The following THNSL1 variants were observed in gnomAD, a reference collection of about 807,000 sequenced individuals.
The protein encoded by THNSL1 is threonine synthase-like 1.
Under a neutral mutation model 50.4 loss-of-function variants are expected in THNSL1, and 48 were observed. The observed-to-expected ratio is 0.95, with a 90% CI of 0.76 to 1.21. The LOEUF (loss-of-function observed/expected upper bound fraction) is 1.21, where lower values mean the gene tolerates loss of function less well. Ranked by LOEUF, THNSL1 falls within the 50% of genes most tolerant of loss-of-function variation. The probability of loss-of-function intolerance (pLI) is 0.00; values close to 1 mark genes in which losing one functional copy is unlikely to be tolerated. For synonymous variants in THNSL1, 309 were observed against 306.1 expected (o/e 1.01, Z -0.10); for missense variants, 896 against 871.7 (o/e 1.03, Z -0.35).
chr10:24,993,590 TA>T, the THNSL1 span, among the ~76,000 whole-genome samples: 5 of 152,258 alleles, frequency 3.3e-5, no homozygotes, highest in Non-Finnish European at 7.3e-5. Context: ...ACATTGACTT[TA>T]AAAGAATTTA....
At chr10:24,984,200 T>C in the THNSL1 span, 2 of 663,260 alleles carry the variant, frequency 3.0e-6, no homozygotes, top group Non-Finnish European at 4.8e-6. Flanking sequence ...ATACTGAAAA[T>C]ATTTCTCACT....
intron 1 of THNSL1, among the ~76,000 whole-genome samples, chr10:25,017,823 G>C (rs1850637948): frequency 6.6e-6 from 1 of 151,980 alleles, no homozygotes; most frequent in Admixed American, 6.6e-5. Flanking sequence ...TGGGATTTCT[G>C]TTTAGCAAGT....
the THNSL1 span, among the ~76,000 whole-genome samples, chr10:24,954,637 T>C: frequency 6.6e-6 from 1 of 152,182 alleles, no homozygotes; most frequent in Admixed American, 6.5e-5. Context: ...AGGAATCTTA[T>C]GAATGTGTGC....
chr10:24,986,771 T>G, the THNSL1 span, among the ~76,000 whole-genome samples: 37 of 152,344 alleles, frequency 2.4e-4, no homozygotes, highest in Admixed American at 1.6e-3. Context: ...GTAGCTAATA[T>G]TTCATATTAT....
chr10:24,996,518 G>A, the THNSL1 span, among the ~76,000 whole-genome samples: 18 of 151,976 alleles, frequency 1.2e-4, no homozygotes, highest in East Asian at 7.7e-4. Context: ...CTTATTGGCC[G>A]TTTTTACACA....
At chr10:25,016,003 C>T, upstream of THNSL1, 1 of 1,556,136 alleles carries the variant, frequency 6.4e-7, no homozygotes, top group Non-Finnish European at 8.7e-7. Context: ...GTATCTCCGT[C>T]CCTTTCTTCA....
chr10:24,973,432 A>G, the THNSL1 span, among the ~76,000 whole-genome samples: 1 of 152,098 alleles, frequency 6.6e-6, no homozygotes, highest in Non-Finnish European at 1.5e-5. Flanking sequence ...ATTTCATCAC[A>G]GTACTCAAAA....
the THNSL1 span, among the ~76,000 whole-genome samples, chr10:24,970,765 C>T: frequency 2.7e-5 from 4 of 149,502 alleles, no homozygotes; most frequent in South Asian, 4.3e-4. Flanking sequence ...GGCTCACGCC[C>T]GTAATCCCAG....
chr10:24,966,527 C>T, the THNSL1 span, among the ~76,000 whole-genome samples: 2 of 152,188 alleles, frequency 1.3e-5, no homozygotes, highest in African/African-American at 4.8e-5. Context: ...TGCCCCAACA[C>T]CGTTTTCATT....
intron 1 of THNSL1, among the ~76,000 whole-genome samples, chr10:25,017,771 A>T (rs931248714): frequency 6.6e-6 from 1 of 152,170 alleles, no homozygotes; most frequent in Non-Finnish European, 1.5e-5. Flanking sequence ...CCAAATCTAT[A>T]TCACTTTGCC....
the THNSL1 span, among the ~76,000 whole-genome samples, chr10:24,965,025 C>T: frequency 6.6e-6 from 1 of 150,946 alleles, no homozygotes; most frequent in Admixed American, 6.6e-5. Flanking sequence ...TGTGTCACTG[C>T]ACTCCAGCCT....
At chr10:24,999,641 TAA>T in the THNSL1 span, 1 of 1,133,278 alleles carries the variant, frequency 8.8e-7, no homozygotes, top group Admixed American at 2.5e-5. Context: ...TTAATTTATT[TAA>T]GTCTATATTC....
the THNSL1 span, among the ~76,000 whole-genome samples, chr10:24,986,062 C>T: frequency 3.9e-5 from 6 of 152,066 alleles, no homozygotes; most frequent in Non-Finnish European, 5.9e-5. Flanking sequence ...GAGCAGAGAC[C>T]CTGCCTGAAA....
the THNSL1 span, among the ~76,000 whole-genome samples, chr10:24,977,225 G>A: frequency 1.9e-3 from 282 of 152,266 alleles, 6 homozygotes; most frequent in Admixed American, 0.011. Context: ...TCAAATAGGT[G>A]TAATTCTTCT....
the THNSL1 span, among the ~76,000 whole-genome samples, chr10:25,008,702 T>A: frequency 2.0e-5 from 3 of 152,210 alleles, no homozygotes; most frequent in African/African-American, 7.2e-5. Flanking sequence ...GTGTGGCGAT[T>A]CCTCAGGGAT....
the THNSL1 span, among the ~76,000 whole-genome samples, chr10:24,980,103 T>C: frequency 1.3e-5 from 2 of 152,212 alleles, no homozygotes; most frequent in Non-Finnish European, 2.9e-5. Flanking sequence ...CATCTGATCT[T>C]CCACTTCAGT....
the THNSL1 span, among the ~76,000 whole-genome samples, chr10:24,968,612 G>A: frequency 6.6e-6 from 1 of 152,110 alleles, no homozygotes; most frequent in Non-Finnish European, 1.5e-5. Context: ...TCCTTTGTAT[G>A]CCTCTGACTC....
chr10:25,020,155 C>T (rs1253299664), intron 1 of THNSL1, among the ~76,000 whole-genome samples: 2 of 151,756 alleles, frequency 1.3e-5, no homozygotes, highest in African/African-American at 2.4e-5. Flanking sequence ...ACTTAACTGC[C>T]TTCTGCTAGT....
At chr10:24,985,715 G>C in the THNSL1 span, among the ~76,000 whole-genome samples, 39 of 152,284 alleles carry the variant, frequency 2.6e-4, 1 homozygote, top group East Asian at 3.9e-3. Context: ...TCTTAAACTA[G>C]TAATTAAATT....
Sources: allele counts gnomAD v4.1 joint callset (sites outside exome capture counted in the v4.1 genomes callset), GRCh38; gene constraint gnomAD v4.1.1; transcripts MANE v1.5; gene names NCBI Gene and HGNC (gene_info 2026-07-23, HGNC 2026-07-21).